The following DSP variants were observed in gnomAD, a reference collection of about 807,000 sequenced individuals.
DSP encodes 250/210 kDa paraneoplastic pemphigus antigen.
In DSP, 114 loss-of-function variants were observed where a neutral mutation model predicts 290.6. The ratio of observed to expected loss-of-function variants is 0.39; its 90% CI spans 0.34 to 0.46. The LOEUF (loss-of-function observed/expected upper bound fraction) is 0.46. Among genes scored for constraint, DSP ranks in the 20% least tolerant of loss-of-function variants. The pLI is 0.99. For synonymous variants in DSP, 1,311 were observed against 1,316.4 expected (o/e 1.00, Z 0.09); for missense variants, 3,230 against 3,495.8 (o/e 0.92, Z 1.92).
In DSP at chr6:7,566,493, G is replaced by A. The variant is rs775969969; in HGVS notation, c.1044+12G>A. The stretch of plus-strand genomic sequence containing the variant: ...CAGACAAAATTGAGGTAGGCTTCAT[G>A]AGGTTTATATTTTTGTTAGAAAAAA... On this transcript the variant is annotated intron_variant, in intron 8 of 23. Coordinates refer to ENST00000379802, the MANE Select transcript of DSP (RefSeq NM_004415.4). 93 of 1,606,888 alleles carry A rather than the reference G, an allele frequency of 5.8e-5. No homozygotes were observed. The highest frequency in any genetic ancestry group is 7.2e-5 in the Non-Finnish European group (85 of 1,174,312).
In DSP at chr6:7,575,395, A is replaced by G. The variant is rs757927630; in HGVS notation, c.2537A>G (p.Tyr846Cys). Reference protein sequence around the residue: ...QQIHSQTSQQYPLYDLDLGKF... With the variant: ...QQIHSQTSQQCPLYDLDLGKF... The stretch of plus-strand genomic sequence containing the variant: ...ATCCACTCTCAGACTTCACAGCAGT[A>G]TCCACTTTATGATCTGGACTTGGGC... The change falls in exon 18 of 24, where the codon TAT (tyrosine) becomes TGT (cysteine). Residue 846 changes from tyrosine to cysteine, a missense_variant. Coordinates refer to ENST00000379802, the MANE Select transcript of DSP (RefSeq NM_004415.4). 6.2e-7 allele frequency: 1 copy of G among 1,614,182 alleles called. No individual in the cohort carries two copies. The highest frequency in any genetic ancestry group is 8.5e-7 in the Non-Finnish European group (1 of 1,180,030).
intron 1 of DSP, among the ~76,000 whole-genome samples, chr6:7,554,330 CTT>C (rs1389916968): frequency 6.6e-6 from 1 of 152,160 alleles, no homozygotes; most frequent in African/African-American, 2.4e-5. Context: ...AAAAGCCAGA[CTT>C]TGGTTATACC....
intron 16 of DSP, 22 bp downstream of exon 16, chr6:7,574,274 C>T: frequency 6.2e-7 from 1 of 1,610,970 alleles, no homozygotes. Flanking sequence ...TAACACTAAT[C>T]TCATATTTTC....
At chr6:7,574,622 C>T in intron 16 of DSP, 35 bp from the exon 17 acceptor site, 1 of 1,613,802 alleles carries the variant, frequency 6.2e-7, no homozygotes, top group Non-Finnish European at 8.5e-7. Context: ...AATTATGTCA[C>T]TGGCAATTTT....
Position 7,565,558 on chromosome 6 carries a change from A to G in DSP, c.939+38A>G. The G allele has an allele frequency of 6.2e-7, 1 of 1,613,240 alleles. No homozygotes were observed. Among genetic ancestry groups the G allele is most frequent in the Non-Finnish European group, 8.5e-7 (1 of 1,179,486 alleles). On this transcript the variant is annotated intron_variant, in intron 7 of 23. Transcript: ENST00000379802. The surrounding 1 kb of genome is among the most constrained non-coding windows in gnomAD (Gnocchi z 4.2). Reference sequence around the variant, plus strand: ...CACGCGGCTGTAGATGCTTGTCTTGAGCCTGTTGCCTTGAAGAGCTGGGGT... The same window carrying G: ...CACGCGGCTGTAGATGCTTGTCTTGGGCCTGTTGCCTTGAAGAGCTGGGGT...
intron 1 of DSP, among the ~76,000 whole-genome samples, chr6:7,549,127 G>C (rs886217463): frequency 6.6e-6 from 1 of 151,272 alleles, no homozygotes; most frequent in African/African-American, 2.4e-5. Context: ...CATTTCAGCT[G>C]ATGTATATAG....
chr6:7,565,725 A>G lies in DSP; in HGVS notation c.939+205A>G, dbSNP rs1758843214. 4 of 611,268 alleles carry G rather than the reference A, an allele frequency of 6.5e-6. 1 individual carries two copies. The South Asian group carries it at 7.5e-5, about 11-fold the overall frequency. 37.9% of individuals were successfully genotyped at this position (611,268 alleles called of 1,614,324 possible). A position where few individuals can be genotyped will look rare whatever the true frequency, so the allele number is the denominator to read the frequency against. On this transcript the variant is annotated intron_variant, in intron 7 of 23. Coordinates refer to ENST00000379802, the MANE Select transcript of DSP (RefSeq NM_004415.4). The surrounding 1 kb of genome is among the most constrained non-coding windows in gnomAD (Gnocchi z 4.2). ...CCTTAGCAAACTTATGCGGGAACAG[A>G]AAACCAAATACCACATGTTCTCACT...
rs1176522829 is a variant in DSP at position 7,555,959 on chromosome 6, TAC to T, written c.273+141_273+142del. 3 of 748,048 alleles carry T rather than the reference TAC, an allele frequency of 4.0e-6. No individual in the cohort carries two copies. The African/African-American group carries it at 5.2e-5, about 13-fold the overall frequency. 46.3% of individuals were successfully genotyped at this position (748,048 alleles called of 1,614,324 possible). A position where few individuals can be genotyped will look rare whatever the true frequency, so the allele number is the denominator to read the frequency against. On this transcript the variant is annotated intron_variant, in intron 2 of 23. Transcript: ENST00000379802. Reference sequence around the variant, plus strand: ...AGAGACACGCTTTTTCAGAACAGACTACAGAGAGATGTGTGTCTTCTTAACCT... The same window carrying T: ...AGAGACACGCTTTTTCAGAACAGACTAGAGAGATGTGTGTCTTCTTAACCT...
chr6:7,562,552 C>T, intron 4 of DSP, 100 bp from the exon 5 acceptor site: 1 of 1,588,384 alleles, frequency 6.3e-7, no homozygotes, highest in Non-Finnish European at 8.6e-7. Context: ...ATATTTACAT[C>T]TTTGGTTCTA....
In DSP at chr6:7,568,073, C is replaced by T. The variant is rs28763960; in HGVS notation, c.1266+167C>T. Among the ~76,000 whole-genome samples the T allele has an allele frequency of 0.042, 6,335 of 152,298 alleles. 198 individuals carry two copies. The highest frequency in any genetic ancestry group is 0.063 in the Non-Finnish European group (4,309 of 68,026). On this transcript the variant is annotated intron_variant, in intron 10 of 23. Transcript: ENST00000379802. Reference sequence around the variant, plus strand: ...GCTTTTCTCAAAATTAACTTCTTTACATGCCCAACTACTCTTGACAGTTAC... The same window carrying T: ...GCTTTTCTCAAAATTAACTTCTTTATATGCCCAACTACTCTTGACAGTTAC...
intron 2 of DSP, among the ~76,000 whole-genome samples, chr6:7,557,769 GTACCACT>G (rs59443987): frequency 0.47 from 71,053 of 151,996 alleles, 18,301 homozygotes; most frequent in African/African-American, 0.67. Flanking sequence ...GGCCCCATCT[GTACCACT>G]GTACCATAAT....
At chr6:7,573,297 G>C (rs922420902) in intron 15 of DSP, among the ~76,000 whole-genome samples, 1 of 152,006 alleles carries the variant, frequency 6.6e-6, no homozygotes, top group African/African-American at 2.4e-5. Flanking sequence ...GAGATCCTGG[G>C]GCCAGGTGCG....
chr6:7,582,553 TAGATACACAAAAGAA>T lies in DSP; in HGVS notation c.5380-86_5380-72del. ...TAAGCAAGGCTTTTTTTTTTAAAGA[TAGATACACAAAAGAA>T]AGTTAAGTCGTGATAGTAATATGAT... On this transcript the variant is annotated intron_variant, in intron 23 of 23. Coordinates refer to ENST00000379802, the MANE Select transcript of DSP (RefSeq NM_004415.4). This position sits in a 1 kb window ranked among gnomAD's most constrained non-coding sequence, Gnocchi z 4.2. 8.7e-7 allele frequency: 1 copy of T among 1,144,882 alleles called. No homozygotes were observed. The highest frequency in any genetic ancestry group is 2.4e-5 in the East Asian group (1 of 41,528). The allele number at this position is 1,144,882 out of a possible 1,614,324, so 70.9% of individuals were successfully genotyped here.
intron 4 of DSP, among the ~76,000 whole-genome samples, chr6:7,559,609 C>T (rs538906205): frequency 1.3e-5 from 2 of 152,274 alleles, no homozygotes; most frequent in African/African-American, 2.4e-5. Flanking sequence ...GGGAATCAGC[C>T]TCATTGCTTT....
At chr6:7,568,703 T>C in intron 11 of DSP, 114 bp downstream of exon 11, 1 of 1,185,058 alleles carries the variant, frequency 8.4e-7, no homozygotes, top group Non-Finnish European at 1.2e-6. Context: ...AGTCAATGTC[T>C]TTGATCTATG....
At position 7,572,077 on chromosome 6, in the gene DSP, C is replaced by A; in HGVS notation, c.2130+9C>A. The A allele has an allele frequency of 6.2e-7, 1 of 1,610,206 alleles. No homozygotes were observed. The highest frequency in any genetic ancestry group is 8.5e-7 in the Non-Finnish European group (1 of 1,176,634). On this transcript the variant is annotated intron_variant, in intron 15 of 23. Transcript: ENST00000379802. ...AAATTAACGAGCTTAAGGTAGGTAT[C>A]TGCTAGTATTTTGCCTGGTTACCCT...
chr6:7,578,495 T>G lies in DSP; in HGVS notation c.3017T>G (p.Leu1006Arg). 1 of 1,613,954 alleles carries G rather than the reference T, an allele frequency of 6.2e-7. No homozygotes were observed. Among genetic ancestry groups the G allele is most frequent in the South Asian group, 1.1e-5 (1 of 91,072 alleles). ...AADVHARYIE[L>R]LTRSGDYYRF... Reference sequence around the variant, plus strand: ...GATGTTCATGCTCGGTACATTGAACTACTTACAAGATCTGGAGACTATTAC... The same window carrying G: ...GATGTTCATGCTCGGTACATTGAACGACTTACAAGATCTGGAGACTATTAC... The change falls in exon 22 of 24, where the codon CTA becomes CGA. Residue 1006 changes from leucine (L) to arginine (R), a missense_variant. By Grantham distance (102) the Leu-to-Arg change is moderately radical. Coordinates refer to ENST00000379802, the MANE Select transcript of DSP (RefSeq NM_004415.4).
At position 7,565,197 on chromosome 6, in the gene DSP, T is replaced by C. The variant is rs1581799060; in HGVS notation, c.778-162T>C. ...CTTGTTCATTGCAGATTTGGATGGG[T>C]CTTTTCCCATACCAGGTGGTCAGTG... On this transcript the variant is annotated intron_variant, in intron 6 of 23. Coordinates refer to ENST00000379802, the MANE Select transcript of DSP (RefSeq NM_004415.4). This position sits in a 1 kb window ranked among gnomAD's most constrained non-coding sequence, Gnocchi z 4.2. 1.3e-5 allele frequency among the ~76,000 whole-genome samples: 2 copies of C among 151,684 alleles called. No homozygotes were observed.
In DSP at chr6:7,580,205, A is replaced by G. The variant is rs1475476554; in HGVS notation, c.4015A>G (p.Lys1339Glu). The change falls in exon 23 of 24, where the codon AAG (lysine) becomes GAG (glutamate). Residue 1339 changes from lysine (K) to glutamate (E), a missense_variant. Transcript: ENST00000379802. This position sits in a 1 kb window ranked among gnomAD's most constrained non-coding sequence, Gnocchi z 4.2. ...CAAAGCTGAGTTTCAGGAGGAGGCC[A>G]AGCGCCGCTGGGAATATGAAAATGA... ...RLKAEFQEEA[K>E]RRWEYENELS... 1.2e-6 allele frequency: 2 copies of G among 1,614,106 alleles called. No individual in the cohort carries two copies. Among genetic ancestry groups the G allele is most frequent in the South Asian group, 2.2e-5 (2 of 91,074 alleles).
Sources: allele counts gnomAD v4.1 joint callset (sites outside exome capture counted in the v4.1 genomes callset), GRCh38; gene constraint gnomAD v4.1.1; non-coding constraint Gnocchi (gnomAD v3.1); transcripts MANE v1.5; gene names NCBI Gene and HGNC (gene_info 2026-07-23, HGNC 2026-07-21).